MTCL1: variants seen among roughly 807,000 people sequenced by gnomAD.
The protein encoded by MTCL1 is microtubule crosslinking factor 1, also known as microtubule cross-linking factor 1.
In MTCL1, 79 loss-of-function variants were observed where a neutral mutation model predicts 141.4. That is an observed-to-expected ratio of 0.56 (90% confidence interval 0.47 to 0.67). The LOEUF is 0.67. Ranked by LOEUF, MTCL1 falls within the 30% of genes least tolerant of loss-of-function variation. The pLI, the probability that MTCL1 is intolerant of heterozygous loss-of-function variation, is 0.00. For missense variants in MTCL1, 2,177 were observed against 2,113.9 expected (o/e 1.03, Z -0.59); for synonymous variants, 914 against 875.8 (o/e 1.04, Z -0.77).
intron 8 of MTCL1, among the ~76,000 whole-genome samples, chr18:8,795,418 AT>A (rs2075882788): frequency 6.6e-6 from 1 of 152,222 alleles, no homozygotes; most frequent in Non-Finnish European, 1.5e-5. Context: ...GCTACTATAA[AT>A]ATTTATAGAT....
At position 8,822,985 on chromosome 18, in the gene MTCL1, C is replaced by A. The variant is rs1207306420; in HGVS notation, c.3188+1487C>A. 6.6e-6 allele frequency among the ~76,000 whole-genome samples: 1 copy of A among 151,568 alleles called. No homozygotes were observed. Among genetic ancestry groups the A allele is most frequent in the African/African-American group, 2.4e-5 (1 of 41,172 alleles). ...GTTGCAGTGAACCGAGATTGCGCCA[C>A]TGCACTACATCCTGGGCGACAGAGT... On this transcript the variant is annotated intron_variant, in intron 14 of 16. Transcript: ENST00000359865. This position sits in a 1 kb window ranked among gnomAD's most constrained non-coding sequence, Gnocchi z 4.6.
chr18:8,775,243 C>A (rs960712128), intron 4 of MTCL1, among the ~76,000 whole-genome samples: 2 of 152,170 alleles, frequency 1.3e-5, no homozygotes, highest in Admixed American at 6.5e-5. Flanking sequence ...CCTGCTGATT[C>A]ATCAGGATTT....
intron 8 of MTCL1, 115 bp from the exon 8 acceptor site, chr18:8,796,117 C>T (rs1355834582): frequency 1.7e-5 from 17 of 988,776 alleles, no homozygotes; most frequent in Non-Finnish European, 2.5e-5. Flanking sequence ...CTGTGTTTCA[C>T]GTCTCATATG....
chr18:8,720,428 C>T lies in MTCL1; in HGVS notation c.289C>T (p.Arg97Ter). 1 of 1,614,058 alleles carries T rather than the reference C, an allele frequency of 6.2e-7. No individual in the cohort carries two copies. Among genetic ancestry groups the T allele is most frequent in the Non-Finnish European group, 8.5e-7 (1 of 1,179,998 alleles). ...AGCTGAGGATGAAAACGAAACTCTC[C>T]GACAGCAGATGATTGAAGTGGAAAT... Residue 97 changes from arginine to a stop codon, truncating the protein, a stop_gained, in exon 4 of 17, where the codon CGA becomes TGA. Coordinates refer to ENST00000359865, the Ensembl canonical transcript of MTCL1. LOFTEE classifies it high-confidence loss of function.
chr18:8,713,743 A>C (rs2096108810), upstream of MTCL1, among the ~76,000 whole-genome samples: 1 of 152,212 alleles, frequency 6.6e-6, no homozygotes, highest in African/African-American at 2.4e-5. Context: ...AATGGTGGAA[A>C]GCCATTTATA....
chr18:8,798,004 T>C, intron 9 of MTCL1, 93 bp from the exon 9 acceptor site: 1 of 1,287,812 alleles, frequency 7.8e-7, no homozygotes. Flanking sequence ...TGATAATCCA[T>C]AAAGTAGATG....
chr18:8,731,102 G>C (rs575310875), intron 4 of MTCL1, among the ~76,000 whole-genome samples: 1 of 151,808 alleles, frequency 6.6e-6, no homozygotes, highest in Non-Finnish European at 1.5e-5. Flanking sequence ...AAAATTAGCC[G>C]GCCGTGGTGG....
chr18:8,766,519 C>G (rs1228575046), intron 4 of MTCL1, among the ~76,000 whole-genome samples: 1 of 152,202 alleles, frequency 6.6e-6, no homozygotes, highest in African/African-American at 2.4e-5. Flanking sequence ...GCAACTGATC[C>G]TGCTTTTCAA....
At chr18:8,724,967 CTTT>C (rs11336536) in intron 4 of MTCL1, among the ~76,000 whole-genome samples, 15,849 of 145,938 alleles carry the variant, frequency 0.11, 1,902 homozygotes, top group African/African-American at 0.3. Flanking sequence ...CAATTTTCAT[CTTT>C]TTTTTTTTTT....
Position 8,758,211 on chromosome 18 carries a change from C to T in MTCL1, c.358-19622C>T, listed in dbSNP as rs550005368. ...GCTAATTTTGTATTTTTAGTAGAGA[C>T]GGGGTTTCTCCATGTTGGTCAGGCT... On this transcript the variant is annotated intron_variant, in intron 4 of 16. Coordinates refer to ENST00000359865, the Ensembl canonical transcript of MTCL1. Among the ~76,000 whole-genome samples, 4 of 151,942 alleles carry T rather than the reference C, an allele frequency of 2.6e-5. No homozygotes were observed. In the South Asian group the frequency reaches 6.2e-4, roughly 24 times the overall value.
intron 4 of MTCL1, among the ~76,000 whole-genome samples, chr18:8,747,627 G>A (rs2096346577): frequency 1.3e-5 from 2 of 152,174 alleles, no homozygotes; most frequent in South Asian, 2.1e-4. Context: ...TCCTCTAAAC[G>A]TGCAAAGACT....
Position 8,784,576 on chromosome 18 carries a change from G to A in MTCL1, c.1464G>A (p.Ala488=), listed in dbSNP as rs189259523. The A allele has an allele frequency of 3.5e-4, 557 of 1,610,190 alleles. 4 individuals carry two copies. In the East Asian group the frequency reaches 0.011, roughly 33 times the overall value. ...ATGATGCGGGGCTGCGGGGTGGTGC[G>A]CCCTTACCGGGGCCTGGCCTCCAGG... Residue 488 remains alanine (A), a synonymous_variant, in exon 6 of 17, where the codon GCG becomes GCA. Transcript: ENST00000359865.
At chr18:8,785,110 A>G (rs1336458110) in intron 6 of MTCL1, among the ~76,000 whole-genome samples, 1 of 148,996 alleles carries the variant, frequency 6.7e-6, no homozygotes, top group Non-Finnish European at 1.5e-5. Context: ...CTCATGGTTT[A>G]GAGGCCCTCC....
At chr18:8,768,327 A>G (rs923740100) in intron 4 of MTCL1, among the ~76,000 whole-genome samples, 4 of 152,198 alleles carry the variant, frequency 2.6e-5, no homozygotes, top group East Asian at 1.9e-4. Flanking sequence ...ATTTTTGTTT[A>G]TATCTTTTTT....
At chr18:8,725,943 C>T (rs946403164) in intron 4 of MTCL1, among the ~76,000 whole-genome samples, 2 of 151,840 alleles carry the variant, frequency 1.3e-5, no homozygotes, top group African/African-American at 4.8e-5. Flanking sequence ...GCACCCGCCA[C>T]CACGCCCGGC....
rs1430124456 is a variant in MTCL1 at position 8,770,944 on chromosome 18, A to C, written c.358-6889A>C. Among the ~76,000 whole-genome samples, 3 of 152,140 alleles carry C rather than the reference A, an allele frequency of 2.0e-5. 1 individual carries two copies. Among genetic ancestry groups the C allele is most frequent in the Admixed American group, 6.5e-5 (1 of 15,274 alleles). On this transcript the variant is annotated intron_variant, in intron 4 of 16. Transcript: ENST00000359865. ...AACTATTAAAGGGATAGGTGAAAAC[A>C]TAAATAAATAAATAATACCTCTTAT...
At chr18:8,773,726 CT>C (rs1328519893) in intron 4 of MTCL1, among the ~76,000 whole-genome samples, 2 of 151,986 alleles carry the variant, frequency 1.3e-5, no homozygotes, top group Admixed American at 6.5e-5. Flanking sequence ...TGTGTCTCAC[CT>C]TTTTTGATCT....
intron 4 of MTCL1, among the ~76,000 whole-genome samples, chr18:8,732,128 G>A (rs931858303): frequency 1.3e-5 from 2 of 151,904 alleles, no homozygotes; most frequent in African/African-American, 4.8e-5. Context: ...TTGAGACAGG[G>A]TCTCGCTCTG....
chr18:8,732,660 C>T (rs188534965), intron 4 of MTCL1, among the ~76,000 whole-genome samples: 2 of 152,138 alleles, frequency 1.3e-5, no homozygotes, highest in Admixed American at 6.5e-5. Context: ...CATAGTTACA[C>T]AGCCCAACTG....
Sources: gnomAD v4.1 joint callset for allele counts (sites outside exome capture counted in the v4.1 genomes callset) on GRCh38, gnomAD v4.1.1 for gene constraint, Gnocchi (gnomAD v3.1) non-coding constraint, MANE v1.5 for transcripts, NCBI Gene and HGNC (gene_info 2026-07-23, HGNC 2026-07-21) for gene names.